C5AR2: variants seen among roughly 807,000 people sequenced by gnomAD.
C5AR2 encodes C5a anaphylatoxin chemotactic receptor 2.
For synonymous variants in C5AR2, 224 were observed against 216.5 expected (o/e 1.03, Z -0.30); for missense variants, 458 against 467.5 (o/e 0.98, Z 0.19).
At position 47,341,034 on chromosome 19, in the gene C5AR2, G is replaced by A; in HGVS notation, c.235G>A (p.Ala79Thr). 5 of 1,607,608 alleles carry A rather than the reference G, an allele frequency of 3.1e-6. No homozygotes were observed. The highest frequency in any genetic ancestry group is 4.2e-6 in the Non-Finnish European group (5 of 1,179,932). Residue 79 changes from alanine to threonine, a missense_variant, in exon 2 of 2, where the codon GCG becomes ACG. Ala to Thr is a moderately conservative substitution (Grantham distance 58). Transcript: ENST00000595464. This position sits in a 1 kb window ranked among gnomAD's most constrained non-coding sequence, Gnocchi z 4.6. The part of the protein sequence containing the change: ...GATWLLHLAV[A>T]DLLCCLSLPI... ...CACCTGGTTGCTCCACCTGGCCGTG[G>A]CGGATTTGCTGTGCTGTTTGTCTCT...
In C5AR2 at chr19:47,342,004, C is replaced by T. The variant is rs1258826640; in HGVS notation, c.*191C>T. ...GATATAGCAGTGACCAAAACAGACA[C>T]AAATCCTGCCCTCAGGGAGCTGATA... On this transcript the variant is annotated 3_prime_UTR_variant, in exon 2 of 2. Transcript: ENST00000595464. The T allele has an allele frequency of 1.7e-6, 1 of 599,454 alleles. No individual in the cohort carries two copies. Among genetic ancestry groups the T allele is most frequent in the Non-Finnish European group, 3.0e-6 (1 of 332,140 alleles). 37.1% of individuals were successfully genotyped at this position (599,454 alleles called of 1,614,324 possible). A position where few individuals can be genotyped will look rare whatever the true frequency, so the allele number is the denominator to read the frequency against.
rs550206465 is a variant in C5AR2, at chr19:47,339,261, C to T, written c.-15-1524C>T. Among the ~76,000 whole-genome samples the T allele has an allele frequency of 3.9e-5, 6 of 152,206 alleles. No homozygotes were observed. In the East Asian group the frequency reaches 7.7e-4, roughly 20 times the overall value. On this transcript the variant is annotated intron_variant, in intron 1 of 1. Coordinates refer to ENST00000595464, the MANE Select transcript of C5AR2 (RefSeq NM_001271749.2). Reference sequence around the variant, plus strand: ...AATGATGATGTCCTTGCGTTGCCCACGTGGCCCTACATGCCGTGGCCCCTG... The same window carrying T: ...AATGATGATGTCCTTGCGTTGCCCATGTGGCCCTACATGCCGTGGCCCCTG...
intron 1 of C5AR2, among the ~76,000 whole-genome samples, chr19:47,336,397 G>A (rs1008374935): frequency 2.6e-5 from 4 of 151,418 alleles, no homozygotes; most frequent in Non-Finnish European, 5.9e-5. Flanking sequence ...GCTAGGGGGG[G>A]TTCAGTTTTT....
chr19:47,344,092 A>G lies in C5AR2; in HGVS notation c.*2279A>G, dbSNP rs1481598731. 6.6e-6 allele frequency: 1 copy of G among 152,214 alleles called. No individual in the cohort carries two copies. The highest frequency in any genetic ancestry group is 1.5e-5 in the Non-Finnish European group (1 of 68,076). 9.4% of individuals were successfully genotyped at this position (152,214 alleles called of 1,614,324 possible). On this transcript the variant is annotated 3_prime_UTR_variant, in exon 2 of 2. Transcript: ENST00000595464. ...CATGGTGGCTCACGCCTGTGATCCC[A>G]GCACTTTCGGAGGCCCAGTCGGGAG...
At position 47,341,885 on chromosome 19, in the gene C5AR2, C is replaced by A. The variant is rs1969045652; in HGVS notation, c.*72C>A. 11 of 1,391,984 alleles carry A rather than the reference C, an allele frequency of 7.9e-6. No homozygotes were observed. The highest frequency in any genetic ancestry group is 1.9e-5 in the Admixed American group (1 of 52,464). The allele number at this position is 1,391,984 out of a possible 1,614,324, so 86.2% of individuals were successfully genotyped here. ...GACTGGCTTCAGGCATAGCTGGATC[C>A]AGGAGCTCAATGATGTCTTCATTTT... On this transcript the variant is annotated 3_prime_UTR_variant, in exon 2 of 2. Transcript: ENST00000595464. The surrounding 1 kb of genome is among the most constrained non-coding windows in gnomAD (Gnocchi z 4.6).
rs1306549168 is a variant in C5AR2 at position 47,342,942 on chromosome 19, C to G, written c.*1129C>G. On this transcript the variant is annotated 3_prime_UTR_variant, in exon 2 of 2. Transcript: ENST00000595464. Reference sequence around the variant, plus strand: ...ACACTTACTCTCTAGCTTCTCAGACCCTGTAGCAATCAGAATCATGACCCC... The same window carrying G: ...ACACTTACTCTCTAGCTTCTCAGACGCTGTAGCAATCAGAATCATGACCCC... 2 of 152,172 alleles carry G rather than the reference C, an allele frequency of 1.3e-5. No individual in the cohort carries two copies. Among genetic ancestry groups the G allele is most frequent in the African/African-American group, 4.8e-5 (2 of 41,404 alleles). 9.4% of individuals were successfully genotyped at this position (152,172 alleles called of 1,614,324 possible). A position where few individuals can be genotyped will look rare whatever the true frequency, so the allele number is the denominator to read the frequency against.
At chr19:47,332,554 A>C (rs1195510570) in intron 1 of C5AR2, among the ~76,000 whole-genome samples, 1 of 152,048 alleles carries the variant, frequency 6.6e-6, no homozygotes, top group Non-Finnish European at 1.5e-5. Flanking sequence ...TTGTCAAAGG[A>C]TCTAAGCATT....
rs760211838 is a variant in C5AR2 at position 47,341,579 on chromosome 19, C to CCCGAACT, written c.784_790dup (p.Ala264GlufsTer12). 1.2e-6 allele frequency: 2 copies of CCCGAACT among 1,613,706 alleles called. No individual in the cohort carries two copies. The highest frequency in any genetic ancestry group is 1.7e-6 in the Non-Finnish European group (2 of 1,179,920). On this transcript the variant is annotated frameshift_variant, in exon 2 of 2. Coordinates refer to ENST00000595464, the MANE Select transcript of C5AR2 (RefSeq NM_001271749.2). LOFTEE classifies it low-confidence loss of function (END_TRUNC). The surrounding 1 kb of genome is among the most constrained non-coding windows in gnomAD (Gnocchi z 4.6). ...TGGGGCTGGTGCTCACTGTGGCGGC[C>CCCGAACT]CCGAACTCCGCACTCCTGGCCAGGG... is the stretch of plus-strand genomic sequence containing the variant.
At chr19:47,332,599 T>G (rs2122157666) in intron 1 of C5AR2, among the ~76,000 whole-genome samples, 1 of 152,234 alleles carries the variant, frequency 6.6e-6, no homozygotes, top group East Asian at 1.9e-4. Flanking sequence ...AGGTTTTCAT[T>G]CTTGTTGCCC....
chr19:47,337,931 G>A (rs576448283), intron 1 of C5AR2, among the ~76,000 whole-genome samples: 19 of 151,638 alleles, frequency 1.3e-4, no homozygotes, highest in African/African-American at 4.4e-4. Flanking sequence ...AATTAGCCCC[G>A]GGCATGGTGG....
chr19:47,333,863 A>G (rs1192437859), intron 1 of C5AR2, among the ~76,000 whole-genome samples: 15 of 152,166 alleles, frequency 9.9e-5, no homozygotes, highest in Non-Finnish European at 1.8e-4. Context: ...TACAGGTGTG[A>G]GCCACTGCGC....
intron 1 of C5AR2, among the ~76,000 whole-genome samples, chr19:47,335,336 C>T (rs533301961): frequency 1.9e-4 from 29 of 152,052 alleles, no homozygotes; most frequent in African/African-American, 6.3e-4. Context: ...AAACAGATAT[C>T]GGGCACGTTA....
In C5AR2 at chr19:47,340,985, G is replaced by T. The variant is rs1379247410; in HGVS notation, c.186G>T (p.Lys62Asn). ...GNAMVAWVAG[K>N]VARRRVGATW... ...CCATGGTGGCCTGGGTGGCTGGGAA[G>T]GTGGCCCGCCGGAGGGTGGGTGCCA... is the stretch of plus-strand genomic sequence containing the variant. The change falls in exon 2 of 2, where the codon AAG becomes AAT. Residue 62 changes from lysine (K) to asparagine (N), a missense_variant. Coordinates refer to ENST00000595464, the MANE Select transcript of C5AR2 (RefSeq NM_001271749.2). 2 of 1,610,606 alleles carry T rather than the reference G, an allele frequency of 1.2e-6. No homozygotes were observed. Among genetic ancestry groups the T allele is most frequent in the Non-Finnish European group, 1.7e-6 (2 of 1,179,888 alleles).
intron 1 of C5AR2, among the ~76,000 whole-genome samples, chr19:47,335,467 A>G (rs529012457): frequency 1.3e-5 from 2 of 151,838 alleles, no homozygotes; most frequent in Non-Finnish European, 2.9e-5. Context: ...GGCAAATTAT[A>G]TGCACAGAAA....
rs942119039 is a variant in C5AR2, at chr19:47,334,243, A to G, written c.-16+1894A>G. ...TCAATAAAAGCCATCTATTATTTTA[A>G]TTATTATGAAATAATAAGAAGGGTA... On this transcript the variant is annotated intron_variant, in intron 1 of 1. Coordinates refer to ENST00000595464, the MANE Select transcript of C5AR2 (RefSeq NM_001271749.2). 8.5e-5 allele frequency among the ~76,000 whole-genome samples: 13 copies of G among 152,170 alleles called. No individual in the cohort carries two copies. In the South Asian group the frequency reaches 1.0e-3, roughly 12 times the overall value.
In C5AR2 at chr19:47,344,896, C is replaced by T. The variant is rs1969097130; in HGVS notation, c.*3083C>T. 1 of 152,146 alleles carries T rather than the reference C, an allele frequency of 6.6e-6. No homozygotes were observed. Among genetic ancestry groups the T allele is most frequent in the Non-Finnish European group, 1.5e-5 (1 of 68,064 alleles). The allele number at this position is 152,146 out of a possible 1,614,324, so 9.4% of individuals were successfully genotyped here. On this transcript the variant is annotated 3_prime_UTR_variant, in exon 2 of 2. Transcript: ENST00000595464. ...TCAAGCGATTCTTATGCCTCAGCCT[C>T]CCGAGTAGCTGGGATTACAGGCGCT...
rs1438080398 is a variant in C5AR2, at chr19:47,347,177, A to C, written c.*5364A>C. 1 of 152,134 alleles carries C rather than the reference A, an allele frequency of 6.6e-6. No individual in the cohort carries two copies. Among genetic ancestry groups the C allele is most frequent in the Non-Finnish European group, 1.5e-5 (1 of 68,020 alleles). 9.4% of individuals were successfully genotyped at this position (152,134 alleles called of 1,614,324 possible). On this transcript the variant is annotated 3_prime_UTR_variant, in exon 2 of 2. Coordinates refer to ENST00000595464, the MANE Select transcript of C5AR2 (RefSeq NM_001271749.2). ...TATTGATTTCCTTAAGTTTTCAAAG[A>C]ACCAAGTTATTAATAATTTCTCTAA...
rs1183831042 is a variant in C5AR2 at position 47,345,097 on chromosome 19, C to A, written c.*3284C>A. The A allele has an allele frequency of 6.6e-6, 1 of 152,424 alleles. No individual in the cohort carries two copies. The highest frequency in any genetic ancestry group is 1.5e-5 in the Non-Finnish European group (1 of 68,282). The allele number at this position is 152,424 out of a possible 1,614,324, so 9.4% of individuals were successfully genotyped here. On this transcript the variant is annotated 3_prime_UTR_variant, in exon 2 of 2. Coordinates refer to ENST00000595464, the MANE Select transcript of C5AR2 (RefSeq NM_001271749.2). The stretch of plus-strand genomic sequence containing the variant: ...CTTATCCTTGACTTAGAATACCTAA[C>A]CTCCTGGGAATGCAGCCCATAGGTC...
chr19:47,341,126 G>A lies in C5AR2; in HGVS notation c.327G>A (p.Ala109=), dbSNP rs373920189. The A allele has an allele frequency of 2.4e-5, 38 of 1,602,470 alleles. No homozygotes were observed. The highest frequency in any genetic ancestry group is 3.1e-5 in the Non-Finnish European group (36 of 1,179,874). Residue 109 remains alanine (A), a synonymous_variant, in exon 2 of 2, where the codon GCG becomes GCA. Transcript: ENST00000595464. This position sits in a 1 kb window ranked among gnomAD's most constrained non-coding sequence, Gnocchi z 4.6. ...CGTATGGTGCAGTGGGCTGTCGGGCGCTGCCCTCCATCATCCTGCTGACCA... is the reference window on the plus strand; with the variant it reads ...CGTATGGTGCAGTGGGCTGTCGGGCACTGCCCTCCATCATCCTGCTGACCA... ...HWPYGAVGCR[A]LPSIILLTMY...
Sources: gnomAD v4.1 joint callset for allele counts (sites outside exome capture counted in the v4.1 genomes callset) on GRCh38, gnomAD v4.1.1 for gene constraint, Gnocchi (gnomAD v3.1) non-coding constraint, MANE v1.5 for transcripts, NCBI Gene and HGNC (gene_info 2026-07-23, HGNC 2026-07-21) for gene names.